The following PCDH15 variants were observed in gnomAD, a reference collection of about 807,000 sequenced individuals.
The protein encoded by PCDH15 is protocadherin-15.
A neutral mutation model predicts 178.5 loss-of-function variants in PCDH15; 129 were observed. That is an observed-to-expected ratio of 0.72 (90% CI 0.63 to 0.84). The LOEUF (loss-of-function observed/expected upper bound fraction) is 0.84, where lower values mean the gene tolerates loss of function less well. Among genes scored for constraint, PCDH15 ranks in the 40% least tolerant of loss-of-function variants. The probability of loss-of-function intolerance (pLI) is 0.00; values close to 1 mark genes in which losing one functional copy is unlikely to be tolerated. For missense variants in PCDH15, 2,230 were observed against 2,099.9 expected (o/e 1.06, Z -1.21); for synonymous variants, 800 against 732.0 (o/e 1.09, Z -1.50).
chr10:53,943,416 C>T (rs967210124), intron 23 of PCDH15, among the ~76,000 whole-genome samples: 5 of 151,624 alleles, frequency 3.3e-5, no homozygotes, highest in African/African-American at 1.2e-4. Context: ...GCGGAGGTTG[C>T]AATGAGCCAA....
At chr10:55,245,242 C>T (rs1841653586) in intron 1 of PCDH15, among the ~76,000 whole-genome samples, 1 of 152,150 alleles carries the variant, frequency 6.6e-6, no homozygotes, top group East Asian at 1.9e-4. Flanking sequence ...CTTGTCTTCA[C>T]TTAGAAACAT....
At chr10:54,073,124 T>C (rs2094277454) in intron 17 of PCDH15, among the ~76,000 whole-genome samples, 1 of 151,884 alleles carries the variant, frequency 6.6e-6, no homozygotes, top group South Asian at 2.1e-4. Flanking sequence ...AAAGATTATA[T>C]ATGTATGTGT....
At chr10:54,873,412 C>A (rs886227766) in intron 3 of PCDH15, among the ~76,000 whole-genome samples, 1 of 151,034 alleles carries the variant, frequency 6.6e-6, no homozygotes, top group East Asian at 1.9e-4. Context: ...TCCCATATGT[C>A]CTCCGCAAAT....
intron 3 of PCDH15, among the ~76,000 whole-genome samples, chr10:54,502,619 A>G (rs1185333672): frequency 6.6e-6 from 1 of 152,136 alleles, no homozygotes; most frequent in East Asian, 1.9e-4. Flanking sequence ...TTATGGTTTA[A>G]CATGTACTTG....
rs144071268 is a variant in PCDH15, at chr10:53,835,673, T to A, written c.3984-4140A>T. The stretch of plus-strand genomic sequence containing the variant: ...GGCTTATGCCTGTAATCTCAACACA[T>A]TGGGAGGCTGAGGTGGGATGATTAC... On this transcript the variant is annotated intron_variant, in intron 29 of 37. Coordinates refer to ENST00000644397, the MANE Select transcript of PCDH15 (RefSeq NM_001384140.1). Among the ~76,000 whole-genome samples the A allele has an allele frequency of 3.1e-4, 47 of 152,150 alleles. No individual in the cohort carries two copies. In the East Asian group the frequency reaches 6.4e-3, roughly 21 times the overall value.
intron 2 of PCDH15, among the ~76,000 whole-genome samples, chr10:55,145,522 C>A (rs1007150782): frequency 6.6e-6 from 1 of 151,790 alleles, no homozygotes; most frequent in Non-Finnish European, 1.5e-5. Flanking sequence ...CTTATGTAGA[C>A]CCATAATTGT....
At chr10:54,007,339 A>G (rs2092420737) in intron 20 of PCDH15, among the ~76,000 whole-genome samples, 1 of 152,124 alleles carries the variant, frequency 6.6e-6, no homozygotes. Context: ...TATTTAGTAT[A>G]TCTAGAAATA....
intron 8 of PCDH15, among the ~76,000 whole-genome samples, chr10:54,315,865 T>A (rs2061225198): frequency 6.6e-6 from 1 of 152,136 alleles, no homozygotes; most frequent in Admixed American, 6.6e-5. Flanking sequence ...ATTATGTTTG[T>A]CATCATTACT....
chr10:53,894,246 T>C (rs1430344929), intron 26 of PCDH15, among the ~76,000 whole-genome samples: 1 of 152,114 alleles, frequency 6.6e-6, no homozygotes, highest in Non-Finnish European at 1.5e-5. Context: ...CATATAGTGA[T>C]TCAGTTACAG....
At chr10:54,490,855 G>A (rs1447442037) in intron 3 of PCDH15, among the ~76,000 whole-genome samples, 2 of 152,100 alleles carry the variant, frequency 1.3e-5, no homozygotes, top group Non-Finnish European at 2.9e-5. Flanking sequence ...TTTTACATAG[G>A]TGTATTCCAA....
At chr10:54,610,665 G>C (rs1443807812) in intron 2 of PCDH15, among the ~76,000 whole-genome samples, 3 of 151,778 alleles carry the variant, frequency 2.0e-5, no homozygotes, top group Non-Finnish European at 4.4e-5. Flanking sequence ...CTTTTCAGTA[G>C]AGTTCTGTTT....
chr10:53,833,464 A>G (rs901594894), intron 29 of PCDH15, among the ~76,000 whole-genome samples: 2 of 152,068 alleles, frequency 1.3e-5, no homozygotes, highest in African/African-American at 4.8e-5. Flanking sequence ...CTGGGTAAAA[A>G]TTCTTGAGTC....
At chr10:54,220,641 C>A (rs763835568) in intron 9 of PCDH15, among the ~76,000 whole-genome samples, 1 of 152,008 alleles carries the variant, frequency 6.6e-6, no homozygotes, top group African/African-American at 2.4e-5. Context: ...CTGGCTAACA[C>A]GGTGAAACCC....
chr10:54,796,401 T>C (rs72796543), intron 1 of PCDH15, among the ~76,000 whole-genome samples: 16,462 of 151,704 alleles, frequency 0.11, 1,166 homozygotes, highest in Middle Eastern at 0.17. Context: ...TCCCTTTCTG[T>C]CTCTATCTCT....
intron 13 of PCDH15, among the ~76,000 whole-genome samples, chr10:54,174,460 G>A (rs1364676117): frequency 4.6e-5 from 7 of 152,052 alleles, no homozygotes; most frequent in East Asian, 1.9e-4. Flanking sequence ...GCGTGAACTC[G>A]GGAGGCGGAG....
intron 3 of PCDH15, among the ~76,000 whole-genome samples, chr10:54,522,901 A>G (rs2083018709): frequency 6.6e-6 from 1 of 152,232 alleles, no homozygotes; most frequent in African/African-American, 2.4e-5. Context: ...ATTTGGGAGA[A>G]TAATTTTAAT....
chr10:54,209,880 G>A (rs546445476), intron 10 of PCDH15, among the ~76,000 whole-genome samples: 1 of 152,216 alleles, frequency 6.6e-6, no homozygotes, highest in African/African-American at 2.4e-5. Context: ...ATTTTCTAGA[G>A]TTATGACATT....
intron 1 of PCDH15, among the ~76,000 whole-genome samples, chr10:55,314,889 T>C (rs543290900): frequency 6.6e-6 from 1 of 152,308 alleles, no homozygotes; most frequent in Non-Finnish European, 1.5e-5. Context: ...ACTGTAATGT[T>C]GGATATTGTT....
chr10:53,993,023 G>T (rs555841495), intron 21 of PCDH15, among the ~76,000 whole-genome samples: 1 of 152,168 alleles, frequency 6.6e-6, no homozygotes, highest in Non-Finnish European at 1.5e-5. Flanking sequence ...AACATGAGTG[G>T]TTCTCACTTC....
Sources: allele counts gnomAD v4.1 joint callset (sites outside exome capture counted in the v4.1 genomes callset), GRCh38; gene constraint gnomAD v4.1.1; transcripts MANE v1.5; gene names NCBI Gene and HGNC (gene_info 2026-07-23, HGNC 2026-07-21).